The following USP12 variants were observed in gnomAD, a reference collection of about 807,000 sequenced individuals.
USP12 encodes the protein ubiquitin specific peptidase 12, also known as ubiquitin carboxyl-terminal hydrolase 12.
A neutral mutation model predicts 45.5 loss-of-function variants in USP12; 19 were observed. That is an observed-to-expected ratio of 0.42 (90% CI 0.29 to 0.61). The LOEUF is 0.61. Ranked by LOEUF, USP12 falls within the 20% of genes least tolerant of loss-of-function variation. The pLI, the probability that USP12 is intolerant of heterozygous loss-of-function variation, is 0.22. For missense variants in USP12, 242 were observed against 447.7 expected (o/e 0.54, Z 4.15); for synonymous variants, 149 against 148.8 (o/e 1.00, Z -0.01).
intron 1 of USP12, chr13:27,169,111 G>C (rs185507315): frequency 3.9e-5 from 6 of 152,204 alleles, no homozygotes; most frequent in Non-Finnish European, 5.9e-5. Flanking sequence ...AACTGCAGAA[G>C]TAAATGATAA....
chr13:27,138,623 T>C (rs554210409), intron 1 of USP12, among the ~76,000 whole-genome samples: 25 of 152,170 alleles, frequency 1.6e-4, no homozygotes, highest in Non-Finnish European at 3.4e-4. Flanking sequence ...GGGAAAGCCT[T>C]GGTATGCAGG....
At chr13:27,084,595 T>C (rs1443747619) in intron 6 of USP12, among the ~76,000 whole-genome samples, 18 of 152,138 alleles carry the variant, frequency 1.2e-4, no homozygotes, top group Admixed American at 1.1e-3. Context: ...TTCAACTTTA[T>C]TCTTTTTCGT....
Position 27,161,494 on chromosome 13 carries a change from C to T in USP12, c.48+10098G>A, listed in dbSNP as rs373441155. Among the ~76,000 whole-genome samples the T allele has an allele frequency of 3.9e-5, 6 of 151,964 alleles. 1 individual carries two copies. Among genetic ancestry groups the T allele is most frequent in the African/African-American group, 1.4e-4 (6 of 41,420 alleles). On this transcript the variant is annotated intron_variant, in intron 1 of 8. Coordinates refer to ENST00000282344, the MANE Select transcript of USP12 (RefSeq NM_182488.4). ...GGATCCCTGAAAAACCCAGGTAGAC[C>T]AATACTGTAGAAATAAAGGCAATTT...
chr13:27,068,291 AG>A lies in USP12; in HGVS notation c.*991del, dbSNP rs1873085332. ...AATTTTTAATTATTCCAACAACTAC[AG>A]GAATTTTTAAAATAGTTTTTTAATT... On this transcript the variant is annotated 3_prime_UTR_variant, in exon 9 of 9. Transcript: ENST00000282344. The A allele has an allele frequency of 6.6e-6, 1 of 152,004 alleles. No individual in the cohort carries two copies. The highest frequency in any genetic ancestry group is 2.4e-5 in the African/African-American group (1 of 40,844). The allele number at this position is 152,004 out of a possible 1,614,324, so 9.4% of individuals were successfully genotyped here. A position where few individuals can be genotyped will look rare whatever the true frequency, so the allele number is the denominator to read the frequency against.
intron 2 of USP12, among the ~76,000 whole-genome samples, chr13:27,108,842 C>T (rs1478575026): frequency 6.6e-6 from 1 of 152,138 alleles, no homozygotes; most frequent in Non-Finnish European, 1.5e-5. Context: ...CCTATAATCC[C>T]AGCTACTCAG....
Position 27,102,741 on chromosome 13 carries a change from G to A in USP12, c.343+2990C>T, listed in dbSNP as rs138789455. On this transcript the variant is annotated intron_variant, in intron 3 of 8. Transcript: ENST00000282344. The stretch of plus-strand genomic sequence containing the variant: ...CCCCTTTCCCAGTCTTCTTTTTTTC[G>A]TGACAGTGACACATTACATCACACA... Among the ~76,000 whole-genome samples, 29 of 151,838 alleles carry A rather than the reference G, an allele frequency of 1.9e-4. 1 individual carries two copies. The highest frequency in any genetic ancestry group is 3.7e-4 in the Non-Finnish European group (25 of 67,946).
At chr13:27,107,466 C>T (rs1302150655) in intron 2 of USP12, among the ~76,000 whole-genome samples, 1 of 152,048 alleles carries the variant, frequency 6.6e-6, no homozygotes, top group Non-Finnish European at 1.5e-5. Context: ...AAAAAAGATG[C>T]TATAATAAAA....
At chr13:27,100,760 A>G (rs1297349305) in intron 3 of USP12, among the ~76,000 whole-genome samples, 2 of 152,262 alleles carry the variant, frequency 1.3e-5, no homozygotes, top group Non-Finnish European at 2.9e-5. Flanking sequence ...GGGCTGAAGA[A>G]AAGTTGGAAA....
intron 3 of USP12, among the ~76,000 whole-genome samples, chr13:27,098,150 C>G (rs963053484): frequency 2.0e-5 from 3 of 152,038 alleles, no homozygotes; most frequent in Non-Finnish European, 4.4e-5. Flanking sequence ...TGGCATCATG[C>G]AGCTCAAAAA....
intron 2 of USP12, among the ~76,000 whole-genome samples, chr13:27,107,797 G>A (rs1194754819): frequency 2.0e-5 from 3 of 152,126 alleles, no homozygotes; most frequent in Admixed American, 6.5e-5. Flanking sequence ...CATCATCACT[G>A]GCCATCAGAG....
rs562061666 is a variant in USP12, at chr13:27,147,785, G to A, written c.48+23807C>T. 3.9e-5 allele frequency among the ~76,000 whole-genome samples: 6 copies of A among 152,096 alleles called. No individual in the cohort carries two copies. The South Asian group carries it at 6.2e-4, about 16-fold the overall frequency. Reference sequence around the variant, plus strand: ...AGGAAAAAAAAAATTTTAAAAAACCGTCAACCAACAATGCTGAATCTGCCA... The same window carrying A: ...AGGAAAAAAAAAATTTTAAAAAACCATCAACCAACAATGCTGAATCTGCCA... On this transcript the variant is annotated intron_variant, in intron 1 of 8. Coordinates refer to ENST00000282344, the MANE Select transcript of USP12 (RefSeq NM_182488.4).
intron 1 of USP12, among the ~76,000 whole-genome samples, chr13:27,160,331 C>T (rs1878046926): frequency 6.6e-6 from 1 of 151,696 alleles, no homozygotes; most frequent in Non-Finnish European, 1.5e-5. Flanking sequence ...TTTCATTTGC[C>T]AAGTTAAGTG....
At chr13:27,130,350 G>T (rs140166336) in intron 1 of USP12, among the ~76,000 whole-genome samples, 70 of 152,200 alleles carry the variant, frequency 4.6e-4, no homozygotes, top group African/African-American at 1.6e-3. Context: ...GCTGTCCAGA[G>T]ATAGTAAGAC....
intron 6 of USP12, among the ~76,000 whole-genome samples, chr13:27,082,344 G>A (rs1873797695): frequency 6.6e-6 from 1 of 152,122 alleles, no homozygotes; most frequent in Non-Finnish European, 1.5e-5. Flanking sequence ...ATTTTCTTCT[G>A]CAGCTTCCTT....
At chr13:27,075,929 C>A (rs1010777077) in intron 6 of USP12, among the ~76,000 whole-genome samples, 7 of 150,600 alleles carry the variant, frequency 4.6e-5, no homozygotes, top group Admixed American at 1.3e-4. Flanking sequence ...ACTCGGGAAG[C>A]TGGGGCAGGA....
intron 1 of USP12, among the ~76,000 whole-genome samples, chr13:27,142,416 A>ATT (rs1447541669): frequency 1.3e-5 from 2 of 152,234 alleles, no homozygotes; most frequent in Non-Finnish European, 2.9e-5. Flanking sequence ...GAGATAACTG[A>ATT]TTAAATTTTA....
At position 27,109,912 on chromosome 13, in the gene USP12, C is replaced by CA. The variant is rs58500654; in HGVS notation, c.130-3969dup. Reference sequence around the variant, plus strand: ...GGGCGACACAGTGAGACTCTGTCTCCAAAAAAAAAAAAAAGTCATCTTTGA... The same window carrying CA: ...GGGCGACACAGTGAGACTCTGTCTCCAAAAAAAAAAAAAAAGTCATCTTTGA... On this transcript the variant is annotated intron_variant, in intron 2 of 8. Coordinates refer to ENST00000282344, the MANE Select transcript of USP12 (RefSeq NM_182488.4). 5.6e-3 allele frequency among the ~76,000 whole-genome samples: 605 copies of CA among 108,360 alleles called. 27 individuals carry two copies. The highest frequency in any genetic ancestry group is 0.021 in the African/African-American group (571 of 27,618). 71.1% of individuals were successfully genotyped at this position (108,360 alleles called of 152,430 possible).
intron 1 of USP12, among the ~76,000 whole-genome samples, chr13:27,146,273 G>GC (rs1566002914): frequency 6.6e-6 from 1 of 152,048 alleles, no homozygotes; most frequent in East Asian, 1.9e-4. Flanking sequence ...GTGGTGGTGG[G>GC]CATCTATAGT....
At chr13:27,145,390 G>A (rs1877266547) in intron 1 of USP12, among the ~76,000 whole-genome samples, 1 of 152,156 alleles carries the variant, frequency 6.6e-6, no homozygotes, top group Non-Finnish European at 1.5e-5. Context: ...CATGGAACAC[G>A]AATAACAAGC....
Sources: gnomAD v4.1 joint callset for allele counts (sites outside exome capture counted in the v4.1 genomes callset) on GRCh38, gnomAD v4.1.1 for gene constraint, MANE v1.5 for transcripts, NCBI Gene and HGNC (gene_info 2026-07-23, HGNC 2026-07-21) for gene names.